Variants in MMP16 observed in about 807,000 individuals in gnomAD.
MMP16 encodes matrix metallopeptidase 16.
In MMP16, 12 loss-of-function variants were observed where a neutral mutation model predicts 67.8. The ratio of observed to expected loss-of-function variants is 0.18; its 90% CI spans 0.11 to 0.29. The LOEUF (loss-of-function observed/expected upper bound fraction) is 0.29, where lower values mean the gene tolerates loss of function less well. MMP16 is among the 10% of genes least tolerant of loss of function. MMP16 has a pLI of 1.00. For missense variants in MMP16, 475 were observed against 765.7 expected, an observed-to-expected ratio of 0.62 and a Z score of 4.48; for synonymous variants, 249 against 255.9, an observed-to-expected ratio of 0.97 and a Z score of 0.26.
chr8:88,184,301 T>A (rs1424946517), intron 3 of MMP16, among the ~76,000 whole-genome samples: 1 of 152,106 alleles, frequency 6.6e-6, no homozygotes, highest in African/African-American at 2.4e-5. Flanking sequence ...TTAAGATATA[T>A]TTTAGTTTTA....
intron 4 of MMP16, among the ~76,000 whole-genome samples, chr8:88,149,015 G>A (rs890009521): frequency 6.6e-6 from 1 of 152,200 alleles, no homozygotes; most frequent in East Asian, 1.9e-4. Flanking sequence ...CACCGGGCGC[G>A]AGCCAAAGCA....
At chr8:88,142,488 G>C (rs1207757563) in intron 4 of MMP16, among the ~76,000 whole-genome samples, 3 of 151,874 alleles carry the variant, frequency 2.0e-5, no homozygotes, top group Non-Finnish European at 4.4e-5. Flanking sequence ...AAATTTATCA[G>C]ACCTGCAGTG....
At chr8:88,156,350 T>C (rs1428971585) in intron 4 of MMP16, among the ~76,000 whole-genome samples, 2 of 152,138 alleles carry the variant, frequency 1.3e-5, no homozygotes, top group Non-Finnish European at 2.9e-5. Flanking sequence ...GCCCACAGTC[T>C]TCTTTTCTGA....
chr8:88,273,406 C>G (rs890761054), intron 1 of MMP16, among the ~76,000 whole-genome samples: 6 of 152,032 alleles, frequency 3.9e-5, no homozygotes, highest in Non-Finnish European at 7.4e-5. Flanking sequence ...AATAACCTGC[C>G]TTTGATGAGA....
chr8:88,089,967 G>A (rs912749189), intron 6 of MMP16, among the ~76,000 whole-genome samples: 2 of 151,916 alleles, frequency 1.3e-5, no homozygotes, highest in Non-Finnish European at 2.9e-5. Context: ...ATATTATGTT[G>A]GGAGATAACA....
chr8:88,308,646 A>G (rs1811248227), intron 1 of MMP16, among the ~76,000 whole-genome samples: 1 of 152,110 alleles, frequency 6.6e-6, no homozygotes, highest in African/African-American at 2.4e-5. Flanking sequence ...TATCTACACT[A>G]AAAGTATTTT....
intron 4 of MMP16, among the ~76,000 whole-genome samples, chr8:88,133,018 G>A (rs1255682310): frequency 6.6e-6 from 1 of 151,826 alleles, no homozygotes; most frequent in Admixed American, 6.6e-5. Context: ...GGTAAAGCCA[G>A]GATTCAAACC....
At chr8:88,320,163 CA>C in intron 1 of MMP16, among the ~76,000 whole-genome samples, 1 of 152,092 alleles carries the variant, frequency 6.6e-6, no homozygotes, top group East Asian at 1.9e-4. Context: ...TCGTTTTTTA[CA>C]TATTTTTAAA....
At chr8:88,060,456 C>T (rs1808383369) in intron 7 of MMP16, among the ~76,000 whole-genome samples, 6 of 152,100 alleles carry the variant, frequency 3.9e-5, no homozygotes, top group Admixed American at 3.9e-4. Flanking sequence ...TCAGTGGTTT[C>T]TTATTGCATT....
intron 6 of MMP16, among the ~76,000 whole-genome samples, chr8:88,108,531 A>C (rs1809281438): frequency 6.6e-6 from 1 of 151,292 alleles, no homozygotes; most frequent in Non-Finnish European, 1.5e-5. Flanking sequence ...GTAATATGGA[A>C]TATCTGGAGG....
At chr8:88,043,126 A>C (rs539415031) in intron 9 of MMP16, among the ~76,000 whole-genome samples, 6 of 152,148 alleles carry the variant, frequency 3.9e-5, no homozygotes, top group Non-Finnish European at 8.8e-5. Flanking sequence ...CAAATACTCT[A>C]TCAGGTAGAA....
intron 6 of MMP16, among the ~76,000 whole-genome samples, chr8:88,107,201 G>A (rs1400304420): frequency 6.6e-6 from 1 of 150,896 alleles, no homozygotes; most frequent in East Asian, 2.0e-4. Context: ...CAGTAGTACA[G>A]TCTTTTGTAT....
At chr8:88,222,007 A>G (rs1365256347) in intron 1 of MMP16, among the ~76,000 whole-genome samples, 2 of 152,050 alleles carry the variant, frequency 1.3e-5, no homozygotes, top group Admixed American at 6.6e-5. Flanking sequence ...TTATTTTAGA[A>G]GAAAATCATC....
rs187702789 is a variant in MMP16, at chr8:88,293,796, G to C, written c.132+33279C>G. On this transcript the variant is annotated intron_variant, in intron 1 of 9. Transcript: ENST00000286614. ...AAATTAGGATTTGATTTAAATCCAC[G>C]ACAGTCAGTGTCCCATCTCAATCTC... is the stretch of plus-strand genomic sequence containing the variant. 5.4e-4 allele frequency among the ~76,000 whole-genome samples: 82 copies of C among 152,088 alleles called. 1 individual carries two copies. In the East Asian group the frequency reaches 0.015, roughly 27 times the overall value.
intron 1 of MMP16, among the ~76,000 whole-genome samples, chr8:88,285,399 C>T (rs901947710): frequency 4.6e-5 from 7 of 152,128 alleles, no homozygotes; most frequent in Non-Finnish European, 8.8e-5. Context: ...CTCAGCCTCC[C>T]GAAGTGCTGG....
intron 1 of MMP16, among the ~76,000 whole-genome samples, chr8:88,200,537 T>C (rs1809327213): frequency 6.6e-6 from 1 of 152,008 alleles, no homozygotes; most frequent in African/African-American, 2.4e-5. Context: ...GATTATTCAG[T>C]TGGAGGAACA....
chr8:88,157,199 G>A (rs1808524431), intron 4 of MMP16, among the ~76,000 whole-genome samples: 1 of 151,926 alleles, frequency 6.6e-6, no homozygotes, highest in African/African-American at 2.4e-5. Context: ...AAAAATACAC[G>A]GTTGCATCTG....
chr8:88,194,866 A>G (rs1272192843), intron 2 of MMP16, among the ~76,000 whole-genome samples: 2 of 152,180 alleles, frequency 1.3e-5, no homozygotes, highest in Non-Finnish European at 2.9e-5. Flanking sequence ...AAAACAATAC[A>G]GCTCCAAACC....
At chr8:88,161,815 T>C (rs2681298) in intron 4 of MMP16, among the ~76,000 whole-genome samples, 68,463 of 151,874 alleles carry the variant, frequency 0.45, 15,634 homozygotes, top group East Asian at 0.48. Flanking sequence ...ATGCACCCAA[T>C]AGTCACTATT....
Sources: allele counts gnomAD v4.1 joint callset (sites outside exome capture counted in the v4.1 genomes callset), GRCh38; gene constraint gnomAD v4.1.1; transcripts MANE v1.5; gene names NCBI Gene and HGNC (gene_info 2026-07-23, HGNC 2026-07-21).